RRP1B: variants seen among roughly 807,000 people sequenced by gnomAD.
The protein encoded by RRP1B is ribosomal RNA processing protein 1 homolog B.
In RRP1B, 56 loss-of-function variants were observed where a neutral mutation model predicts 80.2. The ratio of observed to expected loss-of-function variants is 0.70; its 90% CI spans 0.56 to 0.87. The LOEUF (loss-of-function observed/expected upper bound fraction) is 0.87. RRP1B is among the 40% of genes least tolerant of loss of function. RRP1B has a pLI of 0.00. For synonymous variants in RRP1B, 351 were observed against 357.6 expected, an observed-to-expected ratio of 0.98 and a Z score of 0.21; for missense variants, 807 against 939.8, an observed-to-expected ratio of 0.86 and a Z score of 1.85.
chr21:43,669,888 T>C lies in RRP1B; in HGVS notation c.135T>C (p.Gly45=). The C allele has an allele frequency of 6.2e-7, 1 of 1,609,458 alleles. No individual in the cohort carries two copies. Among genetic ancestry groups the C allele is most frequent in the East Asian group, 2.2e-5 (1 of 44,752 alleles). Reference sequence around the variant, plus strand: ...TTGTATTGTTTTGCCTTCCAGGAGGTTTCAGTCAGGAAGAACTTCTGAAAA... The same window carrying C: ...TTGTATTGTTTTGCCTTCCAGGAGGCTTCAGTCAGGAAGAACTTCTGAAAA... The part of the protein sequence containing the change: ...ISVKTQRETG[G]FSQEELLKIW... Residue 45 remains glycine (G), a synonymous_variant, in exon 2 of 16, where the codon GGT becomes GGC. Transcript: ENST00000340648.
chr21:43,692,459 C>T (rs1380977452), intron 15 of RRP1B, among the ~76,000 whole-genome samples: 2 of 151,922 alleles, frequency 1.3e-5, no homozygotes, highest in South Asian at 2.1e-4. Flanking sequence ...ATTACCTGGG[C>T]GTAGTGGCAA....
chr21:43,675,172 C>T lies in RRP1B; in HGVS notation c.549+9C>T, dbSNP rs2083016834. ...AAGTCGGGGGGAAGGAGGTAAGCAGCTGCCGACAGGCTGCCCACGGGGTGA... is the reference window on the plus strand; with the variant it reads ...AAGTCGGGGGGAAGGAGGTAAGCAGTTGCCGACAGGCTGCCCACGGGGTGA... On this transcript the variant is annotated intron_variant, in intron 6 of 15. Transcript: ENST00000340648. 1.2e-6 allele frequency: 2 copies of T among 1,613,140 alleles called. No individual in the cohort carries two copies. Among genetic ancestry groups the T allele is most frequent in the Non-Finnish European group, 1.7e-6 (2 of 1,179,794 alleles).
At position 43,684,629 on chromosome 21, in the gene RRP1B, G is replaced by A. The variant is rs369172517; in HGVS notation, c.968G>A (p.Arg323His). The change falls in exon 10 of 16, where the codon CGC becomes CAC. Residue 323 changes from arginine to histidine, a missense_variant. Physicochemically the swap from Arg to His is conservative, Grantham distance 29 (BLOSUM62 0). Transcript: ENST00000340648. Reference protein sequence around the residue: ...RKNTPHFNRKRLSKLIKKFQD... With the variant: ...RKNTPHFNRKHLSKLIKKFQD... Reference sequence around the variant, plus strand: ...AACACGCCCCACTTCAACAGGAAGCGCCTCTCCAAACTCATCAAGAAGTCA... The same window carrying A: ...AACACGCCCCACTTCAACAGGAAGCACCTCTCCAAACTCATCAAGAAGTCA... 2.3e-5 allele frequency: 37 copies of A among 1,613,968 alleles called. No homozygotes were observed. The highest frequency in any genetic ancestry group is 2.8e-5 in the Non-Finnish European group (33 of 1,179,982).
At position 43,659,850 on chromosome 21, in the gene RRP1B, G is replaced by C; in HGVS notation, c.130+56G>C. The C allele has an allele frequency of 6.9e-7, 1 of 1,445,524 alleles. No homozygotes were observed. The highest frequency in any genetic ancestry group is 9.1e-7 in the Non-Finnish European group (1 of 1,092,948). 89.5% of individuals were successfully genotyped at this position (1,445,524 alleles called of 1,614,324 possible). A position where few individuals can be genotyped will look rare whatever the true frequency, so the allele number is the denominator to read the frequency against. On this transcript the variant is annotated intron_variant, in intron 1 of 15. Coordinates refer to ENST00000340648, the MANE Select transcript of RRP1B (RefSeq NM_015056.3). The surrounding 1 kb of genome is among the most constrained non-coding windows in gnomAD (Gnocchi z 4.2). The stretch of plus-strand genomic sequence containing the variant: ...CATGGCGGGCCGGGGGCCGGGGCTG[G>C]GGCTAGGGCCAGGGCCCCGGCACGG...
At chr21:43,682,294 C>G (rs778730064) in intron 8 of RRP1B, among the ~76,000 whole-genome samples, 3 of 152,124 alleles carry the variant, frequency 2.0e-5, no homozygotes, top group Non-Finnish European at 4.4e-5. Flanking sequence ...CTCCCAGTTG[C>G]GTTCATGAAA....
intron 8 of RRP1B, among the ~76,000 whole-genome samples, chr21:43,682,622 C>T (rs937733414): frequency 6.6e-6 from 1 of 152,216 alleles, no homozygotes. Context: ...TGGTCCAGGG[C>T]GATGCCGTGT....
chr21:43,670,384 C>T (rs1001636888), intron 2 of RRP1B, among the ~76,000 whole-genome samples: 7 of 152,262 alleles, frequency 4.6e-5, no homozygotes, highest in Non-Finnish European at 1.0e-4. Flanking sequence ...GCAGCAGTAG[C>T]GCTCAGCGAA....
chr21:43,667,960 C>T (rs2082984911), intron 1 of RRP1B, among the ~76,000 whole-genome samples: 3 of 152,194 alleles, frequency 2.0e-5, no homozygotes, highest in Admixed American at 2.0e-4. Context: ...GTATTCCCAG[C>T]ACTTTGGGAG....
At chr21:43,688,290 C>A in intron 13 of RRP1B, 50 bp downstream of exon 13, 1 of 1,475,472 alleles carries the variant, frequency 6.8e-7, no homozygotes, top group Non-Finnish European at 9.0e-7. Flanking sequence ...CACTCACTCG[C>A]GTCCATGGGG....
intron 8 of RRP1B, among the ~76,000 whole-genome samples, chr21:43,681,582 G>A (rs924216781): frequency 1.3e-5 from 2 of 152,132 alleles, no homozygotes; most frequent in South Asian, 2.1e-4. Flanking sequence ...TGATCCGCCC[G>A]CCTGGGCCTC....
intron 1 of RRP1B, among the ~76,000 whole-genome samples, chr21:43,668,905 T>G (rs2082988986): frequency 6.6e-6 from 1 of 152,232 alleles, no homozygotes. Flanking sequence ...ACCTACCTTA[T>G]CATTTTGTGA....
At position 43,688,223 on chromosome 21, in the gene RRP1B, G is replaced by A; in HGVS notation, c.1849G>A (p.Gly617Arg). 4 of 1,560,942 alleles carry A rather than the reference G, an allele frequency of 2.6e-6. No individual in the cohort carries two copies. The highest frequency in any genetic ancestry group is 3.5e-6 in the Non-Finnish European group (4 of 1,151,328). ...EHNGVLESEA[G>R]QPQALGSSGT... is the part of the protein sequence containing the mutation. Reference sequence around the variant, plus strand: ...CAACGGGGTGCTGGAGTCCGAAGCTGGGCAACCCCAGGCTCTGGTAAGGTG... The same window carrying A: ...CAACGGGGTGCTGGAGTCCGAAGCTAGGCAACCCCAGGCTCTGGTAAGGTG... The change falls in exon 13 of 16, where the codon GGG (glycine) becomes AGG (arginine). Residue 617 changes from glycine (G) to arginine (R), a missense_variant. Gly to Arg is a moderately radical substitution (Grantham distance 125). Transcript: ENST00000340648.
At position 43,688,074 on chromosome 21, in the gene RRP1B, G is replaced by A. The variant is rs749626060; in HGVS notation, c.1700G>A (p.Arg567His). The change falls in exon 13 of 16, where the codon CGC becomes CAC. Residue 567 changes from arginine (R) to histidine (H), a missense_variant. Transcript: ENST00000340648. ...GANSHTTLPQ[R>H]RRLQKKKAGP... ...AACAGCCACACCACGCTGCCCCAGC[G>A]CAGGAGGCTGCAGAAAAAGAAGGCA... is the stretch of plus-strand genomic sequence containing the variant. 1.8e-5 allele frequency: 29 copies of A among 1,611,330 alleles called. No individual in the cohort carries two copies. The highest frequency in any genetic ancestry group is 4.5e-5 in the East Asian group (2 of 44,838).
At position 43,659,831 on chromosome 21, in the gene RRP1B, G is replaced by A. The variant is rs1248716122; in HGVS notation, c.130+37G>A. ...GCCGCGGTCAGCCGCGCCACATGGC[G>A]GGCCGGGGGCCGGGGCTGGGGCTAG... On this transcript the variant is annotated intron_variant, in intron 1 of 15. Coordinates refer to ENST00000340648, the MANE Select transcript of RRP1B (RefSeq NM_015056.3). The surrounding 1 kb of genome is among the most constrained non-coding windows in gnomAD (Gnocchi z 4.2). The A allele has an allele frequency of 3.4e-6, 5 of 1,479,346 alleles. No individual in the cohort carries two copies. The Admixed American group carries it at 9.0e-5, about 27-fold the overall frequency. 91.6% of individuals were successfully genotyped at this position (1,479,346 alleles called of 1,614,324 possible).
Position 43,659,602 on chromosome 21 carries a change from C to T in RRP1B, c.-63C>T. The T allele has an allele frequency of 7.4e-7, 1 of 1,344,842 alleles. No individual in the cohort carries two copies. The highest frequency in any genetic ancestry group is 2.7e-4 in the Middle Eastern group (1 of 3,646). The allele number at this position is 1,344,842 out of a possible 1,614,324, so 83.3% of individuals were successfully genotyped here. A position where few individuals can be genotyped will look rare whatever the true frequency, so the allele number is the denominator to read the frequency against. The stretch of plus-strand genomic sequence containing the variant: ...GGGCGGACGGTGGCTGGCTGCTCCG[C>T]AGCGCTCGGCTGGCTGCAGCGGCAC... On this transcript the variant is annotated 5_prime_UTR_variant, in exon 1 of 16. Transcript: ENST00000340648. The surrounding 1 kb of genome is among the most constrained non-coding windows in gnomAD (Gnocchi z 4.2).
At chr21:43,671,449 C>T (rs1298611182) in intron 2 of RRP1B, among the ~76,000 whole-genome samples, 1 of 151,590 alleles carries the variant, frequency 6.6e-6, no homozygotes, top group Admixed American at 6.6e-5. Flanking sequence ...CACTACAGCC[C>T]CAACCTCCCT....
At chr21:43,674,434 G>T (rs2083012780) in intron 4 of RRP1B, among the ~76,000 whole-genome samples, 1 of 152,148 alleles carries the variant, frequency 6.6e-6, no homozygotes, top group Admixed American at 6.5e-5. Context: ...TGGGGTTACA[G>T]GCATGAGCCA....
At chr21:43,685,667 G>T (rs1013307668) in intron 10 of RRP1B, 103 bp from the exon 11 acceptor site, 1 of 848,920 alleles carries the variant, frequency 1.2e-6, no homozygotes. Flanking sequence ...ACTATGGCTT[G>T]TATTTTAAAA....
At chr21:43,685,241 G>T (rs1379102463) in intron 10 of RRP1B, among the ~76,000 whole-genome samples, 1 of 152,116 alleles carries the variant, frequency 6.6e-6, no homozygotes, top group Non-Finnish European at 1.5e-5. Flanking sequence ...CTGTAGTTTT[G>T]CCCATTTCCC....
Sources: allele counts gnomAD v4.1 joint callset (sites outside exome capture counted in the v4.1 genomes callset), GRCh38; gene constraint gnomAD v4.1.1; non-coding constraint Gnocchi (gnomAD v3.1); transcripts MANE v1.5; gene names NCBI Gene and HGNC (gene_info 2026-07-23, HGNC 2026-07-21).